TNC: variants seen among roughly 807,000 people sequenced by gnomAD.
The protein encoded by TNC is tenascin.
In TNC, 109 loss-of-function variants were observed where a neutral mutation model predicts 202.4. The ratio of observed to expected loss-of-function variants is 0.54; its 90% CI spans 0.46 to 0.63. The LOEUF is 0.63. Ranked by LOEUF, TNC falls within the 30% of genes least tolerant of loss-of-function variation. The probability of loss-of-function intolerance (pLI) is 0.00; values close to 1 mark genes in which losing one functional copy is unlikely to be tolerated. For synonymous variants in TNC, 1,007 were observed against 1,089.7 expected, an observed-to-expected ratio of 0.92 and a Z score of 1.50; for missense variants, 2,756 against 2,833.3, an observed-to-expected ratio of 0.97 and a Z score of 0.62.
rs773021610 is a variant in TNC, at chr9:115,090,970, C to G, written c.49G>C (p.Ala17Pro). The change falls in exon 2 of 28, where the codon GCC becomes CCC. Residue 17 changes from alanine (A) to proline (P), a missense_variant. By Grantham distance (27) the Ala-to-Pro change is conservative. Around this residue, in one of 2 missense-constraint regions of TNC, gnomAD observed 2,559 missense variants for 2,546.0 expected, o/e 1.01. Coordinates refer to ENST00000350763, the MANE Select transcript of TNC (RefSeq NM_002160.4). The stretch of plus-strand genomic sequence containing the variant: ...AGGACCCCACCTTCGGTAGCGAGGG[C>G]AAGGAAAGCAAGAAAGACACCTGCC... The part of the protein sequence containing the change: ...LLAGVFLAFL[A>P]LATEGGVLKK... 22 of 1,613,740 alleles carry G rather than the reference C, an allele frequency of 1.4e-5. No homozygotes were observed. In the South Asian group the frequency reaches 2.4e-4, roughly 18 times the overall value.
Position 115,046,678 on chromosome 9 carries a change from G to A in TNC, c.4857C>T (p.Ala1619=), listed in dbSNP as rs61738265. 1.9e-6 allele frequency: 3 copies of A among 1,612,052 alleles called. No individual in the cohort carries two copies. The highest frequency in any genetic ancestry group is 1.7e-5 in the Admixed American group (1 of 59,926). ...KPLRAEIVTE[A]EPEVDNLLVS... ...CCAGAAGGTTGTCAACTTCCGGTTC[G>A]GCTTCTAGAGGGAGAGAAAATGGTG... is the stretch of plus-strand genomic sequence containing the variant. Residue 1619 remains alanine (A), a synonymous_variant, in exon 17 of 28, where the codon GCC becomes GCT. Coordinates refer to ENST00000350763, the MANE Select transcript of TNC (RefSeq NM_002160.4).
At position 115,111,976 on chromosome 9, in the gene TNC, T is replaced by A. The variant is rs535041678; in HGVS notation, c.-137+6006A>T. 1.6e-4 allele frequency among the ~76,000 whole-genome samples: 24 copies of A among 152,262 alleles called. No individual in the cohort carries two copies. In the South Asian group the frequency reaches 5.0e-3, roughly 32 times the overall value. ...GAGACCATGAGGCAGAAAATCCAAC[T>A]AAGCTGTGCTTAGACCTCTAGAAAC... is the stretch of plus-strand genomic sequence containing the variant. On this transcript the variant is annotated intron_variant, in intron 1 of 27. Transcript: ENST00000350763.
intron 27 of TNC, among the ~76,000 whole-genome samples, chr9:115,022,595 G>T (rs1226302367): frequency 6.6e-6 from 1 of 151,838 alleles, no homozygotes; most frequent in Non-Finnish European, 1.5e-5. Context: ...TTTCCCAGAA[G>T]AACTTTGTAT....
chr9:115,082,578 C>A lies in TNC; in HGVS notation c.2247+114G>T, dbSNP rs147226149. On this transcript the variant is annotated intron_variant, in intron 5 of 27. Transcript: ENST00000350763. ...CAAACACAAATGATGCTAATGAGAG[C>A]CTTGTCCTCCACCAAAAACTAAGGA... is the stretch of plus-strand genomic sequence containing the variant. 6 of 683,296 alleles carry A rather than the reference C, an allele frequency of 8.8e-6. No homozygotes were observed. The African/African-American group carries it at 9.0e-5, about 10-fold the overall frequency. The allele number at this position is 683,296 out of a possible 1,614,324, so 42.3% of individuals were successfully genotyped here.
chr9:115,098,056 G>A (rs937807935), intron 1 of TNC, among the ~76,000 whole-genome samples: 6 of 152,050 alleles, frequency 3.9e-5, no homozygotes, highest in Non-Finnish European at 8.8e-5. Flanking sequence ...GCCCCAGCCC[G>A]CTACAAAAAA....
chr9:115,041,137 T>C, intron 18 of TNC, 53 bp from the exon 19 acceptor site: 1 of 1,554,350 alleles, frequency 6.4e-7, no homozygotes, highest in African/African-American at 1.4e-5. Flanking sequence ...TGACACTTAT[T>C]CACTGTTGCC....
chr9:115,094,207 C>A (rs12380758), intron 1 of TNC, among the ~76,000 whole-genome samples: 16,508 of 152,156 alleles, frequency 0.11, 964 homozygotes, highest in Middle Eastern at 0.15. Flanking sequence ...TTTTGTTGCG[C>A]TCCTGGGGAA....
chr9:115,029,529 A>T (rs1447997611), intron 24 of TNC, 73 bp from the exon 25 acceptor site: 2 of 1,428,528 alleles, frequency 1.4e-6, no homozygotes, highest in East Asian at 2.3e-5. Flanking sequence ...GAGAGGAAGG[A>T]GTGTGGCACT....
intron 2 of TNC, among the ~76,000 whole-genome samples, chr9:115,089,190 T>C (rs2133599250): frequency 6.6e-6 from 1 of 152,352 alleles, no homozygotes; most frequent in South Asian, 2.1e-4. Context: ...CTTAGAAACC[T>C]AGAGCCTGTC....
chr9:115,049,656 TC>T (rs1212157569), intron 15 of TNC, among the ~76,000 whole-genome samples: 1 of 146,582 alleles, frequency 6.8e-6, no homozygotes, highest in Non-Finnish European at 1.5e-5. Context: ...TTTTTTTTTT[TC>T]TGACAGTACT....
At position 115,078,161 on chromosome 9, in the gene TNC, G is replaced by C. The variant is rs1208754038; in HGVS notation, c.2456C>G (p.Ala819Gly). Residue 819 changes from alanine (A) to glycine (G), a missense_variant, in exon 7 of 28, where the codon GCC becomes GGC. Physicochemically the swap from Ala to Gly is moderately conservative, Grantham distance 60. Around this residue, in one of 2 missense-constraint regions of TNC, gnomAD observed 2,559 missense variants for 2,546.0 expected, o/e 1.01. Transcript: ENST00000350763. ...CAGGGGCTTGAACCAGGTGATCAAGGCAGTGGTGTCTGTGACATCTTTCAC... is the reference window on the plus strand; with the variant it reads ...CAGGGGCTTGAACCAGGTGATCAAGCCAGTGGTGTCTGTGACATCTTTCAC... ...IEVKDVTDTT[A>G]LITWFKPLAE... The C allele has an allele frequency of 1.2e-6, 2 of 1,613,072 alleles. No individual in the cohort carries two copies. The highest frequency in any genetic ancestry group is 3.3e-5 in the Admixed American group (2 of 60,006).
At chr9:115,077,739 A>G (rs1833985686) in intron 7 of TNC, among the ~76,000 whole-genome samples, 1 of 152,170 alleles carries the variant, frequency 6.6e-6, no homozygotes, top group African/African-American at 2.4e-5. Flanking sequence ...CCCACCCCCA[A>G]AAGTGCTTTG....
At chr9:115,080,165 A>C (rs1383284673) in intron 6 of TNC, among the ~76,000 whole-genome samples, 1 of 152,230 alleles carries the variant, frequency 6.6e-6, no homozygotes, top group Non-Finnish European at 1.5e-5. Context: ...TGCAACTTCA[A>C]ATGTTGGAAT....
At chr9:115,071,238 T>G (rs1382376725) in intron 10 of TNC, among the ~76,000 whole-genome samples, 2 of 152,188 alleles carry the variant, frequency 1.3e-5, no homozygotes, top group Non-Finnish European at 2.9e-5. Flanking sequence ...AAATGAAACA[T>G]ATATATTTTT....
chr9:115,032,307 A>G (rs773168778), intron 22 of TNC, among the ~76,000 whole-genome samples: 6 of 152,220 alleles, frequency 3.9e-5, no homozygotes, highest in African/African-American at 7.2e-5. Flanking sequence ...TGAAACTTAA[A>G]GTTTATCATT....
chr9:115,044,795 C>G (rs949385865), intron 17 of TNC, among the ~76,000 whole-genome samples: 2 of 152,110 alleles, frequency 1.3e-5, no homozygotes, highest in African/African-American at 4.8e-5. Flanking sequence ...GTTTTTCCCT[C>G]TTACTAGGTT....
At position 115,076,043 on chromosome 9, in the gene TNC, T is replaced by C. The variant is rs1833822365; in HGVS notation, c.2939A>G (p.Asn980Ser). 1.2e-6 allele frequency: 2 copies of C among 1,614,096 alleles called. No individual in the cohort carries two copies. Among genetic ancestry groups the C allele is most frequent in the East Asian group, 2.2e-5 (1 of 44,864 alleles). ...CAGGTGTGCCCCACCTGTGGCTGCG[T>C]TGATGGTCGCTGGATTGCTCTCCTT... Reference protein sequence around the residue: ...EDKESNPATINAATELDTPKD... With the variant: ...EDKESNPATISAATELDTPKD... Residue 980 changes from asparagine (N) to serine (S), a missense_variant, in exon 9 of 28, where the codon AAC becomes AGC. Asn to Ser is a conservative substitution (Grantham distance 46, BLOSUM62 1). Transcript: ENST00000350763.
intron 7 of TNC, among the ~76,000 whole-genome samples, chr9:115,076,966 C>T (rs1032121741): frequency 6.6e-6 from 1 of 152,186 alleles, no homozygotes; most frequent in African/African-American, 2.4e-5. Context: ...GGTGCGATCT[C>T]GGCTCACTGC....
intron 13 of TNC, 130 bp downstream of exon 13, chr9:115,062,787 T>C: frequency 9.4e-7 from 1 of 1,061,020 alleles, no homozygotes; most frequent in East Asian, 2.6e-5. Context: ...ACACAGACCT[T>C]CCTGAGTTAG....
Sources: allele counts gnomAD v4.1 joint callset (sites outside exome capture counted in the v4.1 genomes callset), GRCh38; gene constraint gnomAD v4.1.1; regional missense constraint gnomAD v4.1.1; transcripts MANE v1.5; gene names NCBI Gene and HGNC (gene_info 2026-07-23, HGNC 2026-07-21).